The following CAST variants were observed in gnomAD, a reference collection of about 807,000 sequenced individuals.
The protein encoded by CAST is calpastatin.
CAST carries 76 observed loss-of-function variants against 119.6 expected under a neutral mutation model. The observed-to-expected ratio is 0.64, with a 90% CI of 0.53 to 0.77. CAST has a LOEUF of 0.77. Among genes scored for constraint, CAST ranks in the 30% least tolerant of loss-of-function variants. The probability of loss-of-function intolerance (pLI) is 0.00; values close to 1 mark genes in which losing one functional copy is unlikely to be tolerated. For synonymous variants in CAST, 319 were observed against 331.6 expected, an observed-to-expected ratio of 0.96 and a Z score of 0.41; for missense variants, 953 against 946.5, an observed-to-expected ratio of 1.01 and a Z score of -0.09.
intron 3 of CAST, among the ~76,000 whole-genome samples, chr5:96,721,990 C>T (rs946177493): frequency 6.6e-5 from 10 of 152,212 alleles, no homozygotes; most frequent in African/African-American, 2.4e-4. Context: ...TCTTACATGA[C>T]ACTGAACGGA....
the CAST span, among the ~76,000 whole-genome samples, chr5:96,357,527 G>T: frequency 2.6e-5 from 4 of 152,138 alleles, no homozygotes; most frequent in South Asian, 8.3e-4. Context: ...GTTTATGAGA[G>T]TTTTTAGCAT....
At chr5:96,156,705 G>A in the CAST span, among the ~76,000 whole-genome samples, 4 of 152,064 alleles carry the variant, frequency 2.6e-5, no homozygotes, top group Admixed American at 6.5e-5. Flanking sequence ...GTCTCTTTAC[G>A]AACTCCAAAA....
At chr5:96,302,809 G>A in the CAST span, among the ~76,000 whole-genome samples, 1 of 152,134 alleles carries the variant, frequency 6.6e-6, no homozygotes, top group Admixed American at 6.5e-5. Context: ...ATCACTATTG[G>A]CATTTTTGTC....
chr5:96,297,581 C>G, the CAST span, among the ~76,000 whole-genome samples: 2 of 152,094 alleles, frequency 1.3e-5, no homozygotes, highest in South Asian at 4.1e-4. Context: ...TTTTTTTATG[C>G]TCTCCTCATG....
the CAST span, among the ~76,000 whole-genome samples, chr5:96,183,858 A>G: frequency 2.0e-5 from 3 of 152,362 alleles, no homozygotes; most frequent in Admixed American, 2.0e-4. Flanking sequence ...CATGAACATT[A>G]TGTTGAAATA....
the CAST span, among the ~76,000 whole-genome samples, chr5:95,972,765 T>C: frequency 1.3e-5 from 2 of 152,248 alleles, no homozygotes; most frequent in African/African-American, 2.4e-5. Context: ...TTTGGTGTTA[T>C]ATCTAAGAAC....
intron 1 of CAST, among the ~76,000 whole-genome samples, chr5:96,672,731 A>T (rs1347014772): frequency 9.4e-5 from 14 of 148,536 alleles, no homozygotes; most frequent in African/African-American, 3.5e-4. Flanking sequence ...AAAAAAAAAG[A>T]ACTGGAAAAA....
At chr5:96,362,157 A>G in the CAST span, among the ~76,000 whole-genome samples, 2 of 152,144 alleles carry the variant, frequency 1.3e-5, no homozygotes, top group Admixed American at 6.5e-5. Flanking sequence ...TACAAAGGAC[A>G]TGAACTCATC....
intron 1 of CAST, among the ~76,000 whole-genome samples, chr5:96,586,324 G>A (rs1267981426): frequency 6.6e-6 from 1 of 152,064 alleles, no homozygotes; most frequent in Admixed American, 6.5e-5. Context: ...GTTTAAATGG[G>A]GTTTTAAAGG....
At position 96,774,676 on chromosome 5, in the gene CAST, C is replaced by T; in HGVS notation, c.*2060C>T. On this transcript the variant is annotated 3_prime_UTR_variant, in exon 32 of 32. Coordinates refer to ENST00000675179, the MANE Select transcript of CAST (RefSeq NM_001750.7). ...AATACAATTAAAGCAAAATATTTTA[C>T]ATTAAAATCTTGGTTGTGTATTTTT... is the stretch of plus-strand genomic sequence containing the variant. 3.1e-6 allele frequency: 3 copies of T among 982,304 alleles called. No homozygotes were observed. The highest frequency in any genetic ancestry group is 3.6e-6 in the Non-Finnish European group (3 of 827,040). The allele number at this position is 982,304 out of a possible 1,614,324, so 60.8% of individuals were successfully genotyped here. A position where few individuals can be genotyped will look rare whatever the true frequency, so the allele number is the denominator to read the frequency against.
chr5:96,440,343 G>A, the CAST span, among the ~76,000 whole-genome samples: 3 of 152,016 alleles, frequency 2.0e-5, no homozygotes, highest in Non-Finnish European at 4.4e-5. Context: ...CTCTTTCCTT[G>A]GACCCTGCTG....
the CAST span, among the ~76,000 whole-genome samples, chr5:96,493,570 T>A: frequency 6.6e-6 from 1 of 152,194 alleles, no homozygotes; most frequent in Admixed American, 6.5e-5. Flanking sequence ...CCAAGCATCA[T>A]GCTGGGTGTA....
chr5:96,726,722 C>A, intron 4 of CAST, 72 bp from the exon 5 acceptor site: 1 of 1,041,060 alleles, frequency 9.6e-7, no homozygotes. Context: ...CATTTTAACC[C>A]TTTTTGTACA....
At chr5:96,646,398 G>A (rs1465998168) in intron 1 of CAST, among the ~76,000 whole-genome samples, 1 of 152,218 alleles carries the variant, frequency 6.6e-6, no homozygotes, top group Non-Finnish European at 1.5e-5. Context: ...ACAGTTAAAT[G>A]TAGTATGAAG....
the CAST span, among the ~76,000 whole-genome samples, chr5:96,429,871 T>C: frequency 6.6e-6 from 1 of 152,338 alleles, no homozygotes; most frequent in African/African-American, 2.4e-5. Flanking sequence ...CTAGTGATGC[T>C]TCTATTTTAC....
chr5:96,432,134 A>G, the CAST span: 37 of 1,535,662 alleles, frequency 2.4e-5, no homozygotes, highest in Admixed American at 2.0e-4. Flanking sequence ...TCAGTTCGGC[A>G]TCTCGACCCT....
the CAST span, among the ~76,000 whole-genome samples, chr5:96,212,955 A>G: frequency 6.6e-6 from 1 of 152,032 alleles, no homozygotes; most frequent in Non-Finnish European, 1.5e-5. Context: ...CCATCTCTAC[A>G]AAAAATAAAA....
the CAST span, among the ~76,000 whole-genome samples, chr5:96,364,648 T>C: frequency 4.6e-5 from 7 of 152,260 alleles, no homozygotes. Flanking sequence ...TAGTTTGTAT[T>C]TCTGTGGGAT....
At chr5:96,447,296 C>G in the CAST span, among the ~76,000 whole-genome samples, 1 of 152,210 alleles carries the variant, frequency 6.6e-6, no homozygotes, top group Non-Finnish European at 1.5e-5. Context: ...CACCAGTGGA[C>G]TTGAGGAAGC....
Sources: gnomAD v4.1 joint callset for allele counts (sites outside exome capture counted in the v4.1 genomes callset) on GRCh38, gnomAD v4.1.1 for gene constraint, MANE v1.5 for transcripts, NCBI Gene and HGNC (gene_info 2026-07-23, HGNC 2026-07-21) for gene names.